The following GRM1 variants were observed in gnomAD, a reference collection of about 807,000 sequenced individuals.
GRM1 encodes glutamate metabotropic receptor 1, also known as metabotropic glutamate receptor 1.
A neutral mutation model predicts 90.9 loss-of-function variants in GRM1; 33 were observed. The ratio of observed to expected loss-of-function variants is 0.36; its 90% CI spans 0.28 to 0.49. The LOEUF is 0.49. GRM1 is among the 20% of genes least tolerant of loss of function. GRM1 has a pLI of 0.99. For missense variants in GRM1, 1,190 were observed against 1,534.3 expected (o/e 0.78, Z 3.75); for synonymous variants, 700 against 613.2 (o/e 1.14, Z -2.09).
chr6:146,354,667 A>G (rs1785521911), intron 4 of GRM1, among the ~76,000 whole-genome samples: 1 of 152,160 alleles, frequency 6.6e-6, no homozygotes, highest in South Asian at 2.1e-4. Flanking sequence ...CTGTCATACC[A>G]TCGTTCATGC....
intron 3 of GRM1, among the ~76,000 whole-genome samples, chr6:146,335,418 G>A (rs1300404908): frequency 6.6e-6 from 1 of 152,140 alleles, no homozygotes; most frequent in Non-Finnish European, 1.5e-5. Context: ...AAAACTCTAG[G>A]AGGTTTCTTT....
At chr6:146,301,087 T>G (rs922857048) in intron 2 of GRM1, among the ~76,000 whole-genome samples, 7 of 152,206 alleles carry the variant, frequency 4.6e-5, no homozygotes, top group Non-Finnish European at 1.5e-5. Flanking sequence ...TCTAACACCT[T>G]ACCTGTGATA....
intron 7 of GRM1, among the ~76,000 whole-genome samples, chr6:146,412,151 C>T (rs1337142292): frequency 6.6e-6 from 1 of 152,200 alleles, no homozygotes; most frequent in Admixed American, 6.6e-5. Context: ...TATGTTGCAG[C>T]ATTGTCAACG....
In GRM1 at chr6:146,285,875, T is replaced by C. The variant is rs570146792; in HGVS notation, c.951-18736T>C. Among the ~76,000 whole-genome samples, 4 of 152,316 alleles carry C rather than the reference T, an allele frequency of 2.6e-5. No homozygotes were observed. In the East Asian group the frequency reaches 7.7e-4, roughly 29 times the overall value. ...TTTTGCTCAATAGTTCATAGCTTAATAGCTCTTAGTACGCCTGGAAAATTG... is the reference window on the plus strand; with the variant it reads ...TTTTGCTCAATAGTTCATAGCTTAACAGCTCTTAGTACGCCTGGAAAATTG... On this transcript the variant is annotated intron_variant, in intron 2 of 7. Transcript: ENST00000282753.
chr6:146,254,721 A>G (rs1336789039), intron 2 of GRM1, among the ~76,000 whole-genome samples: 2 of 152,188 alleles, frequency 1.3e-5, no homozygotes, highest in African/African-American at 4.8e-5. Flanking sequence ...ATAACTTATG[A>G]ATGGTTTACA....
intron 4 of GRM1, among the ~76,000 whole-genome samples, chr6:146,356,793 C>A (rs1388814065): frequency 6.6e-6 from 1 of 152,036 alleles, no homozygotes; most frequent in Non-Finnish European, 1.5e-5. Flanking sequence ...ATGTCCTATA[C>A]CATATACATA....
In GRM1 at chr6:146,168,348, G is replaced by A. The variant is rs188189806; in HGVS notation, c.950+8751G>A. On this transcript the variant is annotated intron_variant, in intron 2 of 7. Transcript: ENST00000282753. ...AAGAATATTATACTGCATCACATAT[G>A]ATATAAGAAGTTTATGATAGTAAAT... Among the ~76,000 whole-genome samples, 398 of 151,988 alleles carry A rather than the reference G, an allele frequency of 2.6e-3. 3 individuals are homozygous for A. The highest frequency in any genetic ancestry group is 4.7e-3 in the Non-Finnish European group (322 of 67,874).
chr6:146,214,981 A>G (rs1470348564), intron 2 of GRM1, among the ~76,000 whole-genome samples: 1 of 152,188 alleles, frequency 6.6e-6, no homozygotes, highest in African/African-American at 2.4e-5. Context: ...CTGAAAGGAT[A>G]TTCTTACTCT....
chr6:146,318,625 G>T (rs550488484), intron 3 of GRM1, among the ~76,000 whole-genome samples: 1 of 152,270 alleles, frequency 6.6e-6, no homozygotes, highest in Non-Finnish European at 1.5e-5. Flanking sequence ...CACCAACAAT[G>T]TAAAAGTGTT....
chr6:146,410,217 C>G (rs1451317180), intron 7 of GRM1, among the ~76,000 whole-genome samples: 1 of 152,020 alleles, frequency 6.6e-6, no homozygotes, highest in Non-Finnish European at 1.5e-5. Context: ...CCATTAGTGT[C>G]TTACTGCAAA....
intron 2 of GRM1, among the ~76,000 whole-genome samples, chr6:146,166,545 C>CA (rs1777910634): frequency 6.6e-6 from 1 of 152,082 alleles, no homozygotes; most frequent in Admixed American, 6.6e-5. Context: ...TAGTAAAAAA[C>CA]AATTTGCAGT....
At chr6:146,179,205 A>G (rs938147974) in intron 2 of GRM1, among the ~76,000 whole-genome samples, 19 of 152,336 alleles carry the variant, frequency 1.2e-4, no homozygotes, top group African/African-American at 4.3e-4. Context: ...AACACTGACT[A>G]GTGCAATCCA....
chr6:146,099,619 C>A (rs1033539103), intron 1 of GRM1, among the ~76,000 whole-genome samples: 2 of 152,130 alleles, frequency 1.3e-5, no homozygotes, highest in Non-Finnish European at 2.9e-5. Flanking sequence ...ATAAATTTTT[C>A]TGTTTTTGAA....
Position 146,029,982 on chromosome 6 carries a change from C to G in GRM1, c.465C>G (p.Pro155=). The G allele has an allele frequency of 6.2e-7, 1 of 1,614,132 alleles. No individual in the cohort carries two copies. The highest frequency in any genetic ancestry group is 1.1e-5 in the South Asian group (1 of 91,084). The part of the protein sequence containing the change: ...QSLPPGRTKK[P]IAGVIGPGSS... ...TCCCCCCAGGCAGGACTAAGAAGCC[C>G]ATTGCGGGAGTGATCGGTCCCGGCT... The change falls in exon 1 of 8, where the codon CCC becomes CCG. Residue 155 remains proline, a synonymous_variant. Coordinates refer to ENST00000282753, the MANE Select transcript of GRM1 (RefSeq NM_001278064.2).
intron 2 of GRM1, among the ~76,000 whole-genome samples, chr6:146,169,566 A>G (rs775624325): frequency 6.6e-6 from 1 of 152,052 alleles, no homozygotes; most frequent in Non-Finnish European, 1.5e-5. Flanking sequence ...TTTTCAACCC[A>G]CTTTTCTCCT....
chr6:146,429,299 C>G (rs1778321526), intron 7 of GRM1, among the ~76,000 whole-genome samples: 1 of 152,150 alleles, frequency 6.6e-6, no homozygotes, highest in African/African-American at 2.4e-5. Flanking sequence ...AATTCTTTAC[C>G]TTACAGCTAG....
chr6:146,304,145 A>G (rs1783491878), intron 2 of GRM1, among the ~76,000 whole-genome samples: 1 of 152,164 alleles, frequency 6.6e-6, no homozygotes. Flanking sequence ...TTTCAGAACT[A>G]TATCAGTTTT....
intron 1 of GRM1, among the ~76,000 whole-genome samples, chr6:146,151,104 T>C (rs1672471795): frequency 6.6e-6 from 1 of 152,128 alleles, no homozygotes; most frequent in Non-Finnish European, 1.5e-5. Context: ...AAGTAGTTGG[T>C]TGACAGGGAG....
intron 2 of GRM1, among the ~76,000 whole-genome samples, chr6:146,213,628 T>G (rs916098520): frequency 6.6e-6 from 1 of 152,090 alleles, no homozygotes; most frequent in African/African-American, 2.4e-5. Context: ...AACTGCTGTG[T>G]TAGTCAGTTT....
Sources: allele counts gnomAD v4.1 joint callset (sites outside exome capture counted in the v4.1 genomes callset), GRCh38; gene constraint gnomAD v4.1.1; transcripts MANE v1.5; gene names NCBI Gene and HGNC (gene_info 2026-07-23, HGNC 2026-07-21).